ATP1B4: variants seen among roughly 807,000 people sequenced by gnomAD.
ATP1B4 encodes the protein ATPase Na+/K+ transporting family member beta 4.
In ATP1B4, 32 loss-of-function variants were observed where a neutral mutation model predicts 29.6. That is an observed-to-expected ratio of 1.08 (90% confidence interval 0.82 to 1.45). The LOEUF (loss-of-function observed/expected upper bound fraction) is 1.45, where lower values mean the gene tolerates loss of function less well. Ranked by LOEUF, ATP1B4 falls within the 40% of genes most tolerant of loss-of-function variation. The pLI is 0.00. For synonymous variants in ATP1B4, 127 were observed against 102.1 expected, an observed-to-expected ratio of 1.24 and a Z score of -1.47; for missense variants, 323 against 276.2, an observed-to-expected ratio of 1.17 and a Z score of -1.20.
At chrX:120,368,560 C>T (rs1364236086) in intron 2 of ATP1B4, among the ~76,000 whole-genome samples, 1 of 111,895 alleles carries the variant, frequency 8.9e-6, no homozygotes, top group Non-Finnish European at 1.9e-5. Flanking sequence ...GATGCAGAAA[C>T]TGAGGCTTAG....
chrX:120,374,366 G>A lies in ATP1B4; in HGVS notation c.563-1006G>A, dbSNP rs1028279171. Among the ~76,000 whole-genome samples the A allele has an allele frequency of 2.9e-5, 3 of 104,102 alleles. No individual in the cohort carries two copies. The East Asian group carries it at 9.1e-4, about 32-fold the overall frequency. The allele number at this position is 104,102 out of a possible 115,157, so 90.4% of individuals were successfully genotyped here. On this transcript the variant is annotated intron_variant, in intron 4 of 7. Coordinates refer to ENST00000218008, the MANE Select transcript of ATP1B4 (RefSeq NM_001142447.3). The stretch of plus-strand genomic sequence containing the variant: ...TAGCCATAAGGGCAATCCCAAAAGA[G>A]CCCCCAGATTTGTAACTGCCCAATG...
At chrX:120,376,911 C>G (rs1027554907) in intron 6 of ATP1B4, among the ~76,000 whole-genome samples, 3 of 112,457 alleles carry the variant, frequency 2.7e-5, no homozygotes, top group Admixed American at 9.4e-5. Context: ...CAAATGACTA[C>G]ATGGGAAGTA....
intron 7 of ATP1B4, 29 bp downstream of exon 7, chrX:120,378,802 G>T: frequency 8.8e-7 from 1 of 1,136,263 alleles, no homozygotes; most frequent in Non-Finnish European, 1.2e-6. Context: ...AGTCATTGCT[G>T]TCAGAAAGGG....
intron 1 of ATP1B4, among the ~76,000 whole-genome samples, chrX:120,363,787 A>C (rs1173459505): frequency 1.8e-5 from 2 of 112,264 alleles, no homozygotes; most frequent in Admixed American, 1.9e-4. Context: ...CTATCACATG[A>C]GGGTAGTGCC....
chrX:120,371,169 C>A lies in ATP1B4; in HGVS notation c.521C>A (p.Thr174Asn), dbSNP rs1285390975. The stretch of plus-strand genomic sequence containing the variant: ...AACTTCAACGTTTCTGAACCCGACA[C>A]TTGGCAGCATTATGTGATTAGCCTA... ...NFNFNVSEPD[T>N]WQHYVISLNG... The change falls in exon 4 of 8, where the codon ACT (threonine) becomes AAT (asparagine). Residue 174 changes from threonine to asparagine, a missense_variant. By Grantham distance (65) the Thr-to-Asn change is moderately conservative. Transcript: ENST00000218008. The A allele has an allele frequency of 8.3e-7, 1 of 1,211,080 alleles. No homozygotes were observed.
intron 6 of ATP1B4, 92 bp downstream of exon 6, chrX:120,376,528 G>C (rs1011061529): frequency 6.2e-6 from 5 of 800,925 alleles, no homozygotes; most frequent in Admixed American, 4.9e-5. Flanking sequence ...ATGGATGGTA[G>C]GCTAAGGAAA....
intron 2 of ATP1B4, among the ~76,000 whole-genome samples, chrX:120,368,102 G>A (rs891597851): frequency 8.9e-6 from 1 of 111,881 alleles, no homozygotes; most frequent in Admixed American, 9.5e-5. Context: ...CACCAGATGA[G>A]CTGATCCAAA....
At chrX:120,378,980 C>A (rs1256879892) in intron 7 of ATP1B4, among the ~76,000 whole-genome samples, 3 of 111,209 alleles carry the variant, frequency 2.7e-5, no homozygotes, top group African/African-American at 9.8e-5. Flanking sequence ...CTAATTTAAC[C>A]TTTTAAGTTT....
intron 6 of ATP1B4, 89 bp from the exon 7 acceptor site, chrX:120,378,589 G>T: frequency 1.3e-6 from 1 of 771,803 alleles, no homozygotes; most frequent in East Asian, 3.2e-5. Context: ...GGTTCACACA[G>T]TGATTTCACC....
intron 4 of ATP1B4, among the ~76,000 whole-genome samples, chrX:120,374,762 T>A (rs868707238): frequency 1.7e-4 from 4 of 23,601 alleles, no homozygotes; most frequent in African/African-American, 6.2e-4. Flanking sequence ...TATATATATA[T>A]TATATATATA....
At chrX:120,365,862 C>T (rs1247822069) in intron 1 of ATP1B4, among the ~76,000 whole-genome samples, 5 of 111,760 alleles carry the variant, frequency 4.5e-5, no homozygotes, top group Admixed American at 2.8e-4. Context: ...TAAGGAAGCC[C>T]GGGGTTCCAG....
chrX:120,383,110 A>T lies in ATP1B4; in HGVS notation c.*3476A>T, dbSNP rs1191716423. The stretch of plus-strand genomic sequence containing the variant: ...TTTGGGTTATGATTTTTCACCTTCT[A>T]CTCCCCTGAAATCATTATCCTAAAG... On this transcript the variant is annotated 3_prime_UTR_variant, in exon 8 of 8. Transcript: ENST00000218008. The T allele has an allele frequency of 9.0e-6, 1 of 111,242 alleles. No individual in the cohort carries two copies. The highest frequency in any genetic ancestry group is 1.9e-5 in the Non-Finnish European group (1 of 52,947). The allele number at this position is 111,242 out of a possible 1,213,427, so 9.2% of individuals were successfully genotyped here.
chrX:120,362,344 A>G (rs2058265667), intron 1 of ATP1B4, 113 bp downstream of exon 1: 1 of 739,665 alleles, frequency 1.4e-6, no homozygotes, highest in African/African-American at 2.1e-5. Context: ...AGACGGGCAG[A>G]AACAGCGAAG....
At chrX:120,366,195 A>G (rs1300130680) in intron 1 of ATP1B4, among the ~76,000 whole-genome samples, 1 of 111,786 alleles carries the variant, frequency 8.9e-6, no homozygotes, top group Non-Finnish European at 1.9e-5. Context: ...CTACTCTGAT[A>G]GGACAAGGTT....
intron 4 of ATP1B4, among the ~76,000 whole-genome samples, chrX:120,371,431 C>G (rs997503393): frequency 8.9e-6 from 1 of 111,897 alleles, no homozygotes; most frequent in Non-Finnish European, 1.9e-5. Flanking sequence ...AATTTTCCAG[C>G]AAGATAAGCT....
intron 4 of ATP1B4, among the ~76,000 whole-genome samples, chrX:120,372,943 G>T (rs1165186494): frequency 8.9e-6 from 1 of 112,112 alleles, no homozygotes; most frequent in Non-Finnish European, 1.9e-5. Context: ...GTTTCAGAAT[G>T]CTTGCAAGCG....
chrX:120,365,427 A>C (rs755296675), intron 1 of ATP1B4, among the ~76,000 whole-genome samples: 2 of 112,274 alleles, frequency 1.8e-5, no homozygotes, highest in Non-Finnish European at 3.8e-5. Context: ...CAACAAAGGC[A>C]GCATTTTTAG....
At chrX:120,362,324 C>A (rs2058265486) in intron 1 of ATP1B4, 93 bp downstream of exon 1, 1 of 864,892 alleles carries the variant, frequency 1.2e-6, no homozygotes, top group Admixed American at 2.3e-5. Context: ...TTTACGGCTG[C>A]CTCTCTTTGA....
intron 4 of ATP1B4, among the ~76,000 whole-genome samples, chrX:120,374,032 C>A (rs1043787900): frequency 5.4e-5 from 6 of 111,257 alleles, no homozygotes; most frequent in African/African-American, 2.0e-4. Context: ...TGTAACTGCC[C>A]AGCGGGTTCA....
Sources: gnomAD v4.1 joint callset for allele counts (sites outside exome capture counted in the v4.1 genomes callset) on GRCh38, gnomAD v4.1.1 for gene constraint, MANE v1.5 for transcripts, NCBI Gene and HGNC (gene_info 2026-07-23, HGNC 2026-07-21) for gene names.